The following DNAH17 variants were observed in gnomAD, a reference collection of about 807,000 sequenced individuals.
DNAH17 encodes the protein axonemal beta dynein heavy chain 17.
DNAH17 carries 376 observed loss-of-function variants against 485.6 expected under a neutral mutation model. That is an observed-to-expected ratio of 0.77 (90% CI 0.71 to 0.84). The LOEUF is 0.84. Ranked by LOEUF, DNAH17 falls within the 40% of genes least tolerant of loss-of-function variation. The probability of loss-of-function intolerance (pLI) is 0.00; values close to 1 mark genes in which losing one functional copy is unlikely to be tolerated. For missense variants in DNAH17, 6,370 were observed against 5,839.3 expected (o/e 1.09, Z -2.96); for synonymous variants, 3,031 against 2,405.9 (o/e 1.26, Z -7.60).
chr17:78,451,824 G>C (rs575435230), intron 65 of DNAH17, among the ~76,000 whole-genome samples, 151 bp from the exon 66 acceptor site: 1 of 152,182 alleles, frequency 6.6e-6, no homozygotes, highest in African/African-American at 2.4e-5. Flanking sequence ...ACCTCTCCTT[G>C]TCTGTTCCTC....
intron 19 of DNAH17, among the ~76,000 whole-genome samples, chr17:78,533,966 G>A (rs939504928): frequency 7.9e-5 from 12 of 152,194 alleles, no homozygotes; most frequent in South Asian, 2.1e-4. Context: ...GATTACAGGC[G>A]TGAGCCAATG....
chr17:78,526,875 A>G lies in DNAH17; in HGVS notation c.3624+5T>C. ...AATCCCGCCACCCTGCCCCAGGTAT[A>G]ATACCTCGAATTGCTGGCATTTCCG... On this transcript the variant is annotated splice_donor_5th_base_variant and intron_variant, in intron 23 of 80. Transcript: ENST00000389840. 2 of 1,569,026 alleles carry G rather than the reference A, an allele frequency of 1.3e-6. No individual in the cohort carries two copies. The highest frequency in any genetic ancestry group is 1.7e-6 in the Non-Finnish European group (2 of 1,156,530).
chr17:78,569,645 C>T (rs2092321233), intron 7 of DNAH17, 118 bp from the exon 8 acceptor site: 1 of 1,282,620 alleles, frequency 7.8e-7, no homozygotes, highest in South Asian at 1.6e-5. Flanking sequence ...GAAAATAACC[C>T]CTCCTATCTG....
At chr17:78,425,098 A>C (rs1260271667) in intron 80 of DNAH17, 3 of 427,456 alleles carry the variant, frequency 7.0e-6, no homozygotes, top group African/African-American at 6.1e-5. Context: ...GTTTTCATTA[A>C]AGCAGAGGCC....
chr17:78,427,251 G>T, intron 77 of DNAH17, 143 bp from the exon 78 acceptor site: 1 of 750,766 alleles, frequency 1.3e-6, no homozygotes, highest in Non-Finnish European at 2.2e-6. Flanking sequence ...AGAAATGCAG[G>T]GTCATGGGTG....
In DNAH17 at chr17:78,424,069, TTGA is replaced by T; in HGVS notation, c.13223_13225del (p.Ile4408del). ...CTCCATGCGGTCCACAGGAATGGCC[TTGA>T]TGAAGATGACAGGCATGGCCGGGGT... On this transcript the variant is annotated inframe_deletion, in exon 81 of 81. Coordinates refer to ENST00000389840, the MANE Select transcript of DNAH17 (RefSeq NM_173628.4). The T allele has an allele frequency of 6.2e-7, 1 of 1,614,034 alleles. No homozygotes were observed. Among genetic ancestry groups the T allele is most frequent in the Non-Finnish European group, 8.5e-7 (1 of 1,179,886 alleles).
At chr17:78,483,689 C>T (rs1205483160) in intron 48 of DNAH17, among the ~76,000 whole-genome samples, 3 of 152,044 alleles carry the variant, frequency 2.0e-5, no homozygotes, top group Admixed American at 6.6e-5. Context: ...AGGACCATGA[C>T]CTCAAGTAGA....
At chr17:78,478,363 CACCACCATCACT>C (rs1402212711) in intron 51 of DNAH17, among the ~76,000 whole-genome samples, 1 of 150,934 alleles carries the variant, frequency 6.6e-6, no homozygotes, top group Admixed American at 6.6e-5. Flanking sequence ...TCACCATCAC[CACCACCATCACT>C]GCCACCACTA....
At chr17:78,570,411 G>A (rs529544770) in intron 6 of DNAH17, 39 bp from the exon 7 acceptor site, 6 of 1,592,774 alleles carry the variant, frequency 3.8e-6, no homozygotes, top group South Asian at 1.1e-5. Context: ...GAGGGGACTG[G>A]CCGCTGCACC....
intron 38 of DNAH17, 107 bp downstream of exon 38, chr17:78,495,768 C>T (rs945281442): frequency 1.9e-5 from 26 of 1,364,818 alleles, no homozygotes; most frequent in Non-Finnish European, 2.5e-5. Flanking sequence ...CTTCTTCCCT[C>T]CCCAGCTTGC....
intron 53 of DNAH17, 24 bp from the exon 54 acceptor site, chr17:78,475,493 C>A: frequency 6.2e-7 from 1 of 1,608,884 alleles, no homozygotes; most frequent in Non-Finnish European, 8.5e-7. Flanking sequence ...AGAGATCCCA[C>A]AACATCTTGT....
At chr17:78,552,304 T>TA (rs1170128662) in intron 15 of DNAH17, among the ~76,000 whole-genome samples, 1 of 152,202 alleles carries the variant, frequency 6.6e-6, no homozygotes, top group Non-Finnish European at 1.5e-5. Flanking sequence ...GACTCGTGAC[T>TA]ACACTTCTTC....
At chr17:78,555,543 C>CCAAAAAAAAAAA (rs1555693737) in intron 14 of DNAH17, among the ~76,000 whole-genome samples, 1 of 77,714 alleles carries the variant, frequency 1.3e-5, no homozygotes, top group African/African-American at 5.6e-5. Context: ...GATTCCGTCA[C>CCAAAAAAAAAAA]AAAAAAAAAA....
At chr17:78,434,353 T>C in intron 74 of DNAH17, 133 bp from the exon 75 acceptor site, 1 of 794,422 alleles carries the variant, frequency 1.3e-6, no homozygotes, top group Non-Finnish European at 1.9e-6. Flanking sequence ...TACAAAGCTG[T>C]GGGCTGTGCA....
intron 16 of DNAH17, among the ~76,000 whole-genome samples, chr17:78,548,623 A>T (rs1230719272): frequency 1.3e-5 from 2 of 152,200 alleles, no homozygotes; most frequent in African/African-American, 2.4e-5. Flanking sequence ...ACAATCTTTG[A>T]ACAGCCTCCT....
chr17:78,480,902 G>C (rs894495187), intron 48 of DNAH17, 116 bp from the exon 49 acceptor site: 10 of 723,566 alleles, frequency 1.4e-5, no homozygotes, highest in Non-Finnish European at 1.9e-5. Context: ...ACAGAGTCTC[G>C]CTCTGTTGCC....
At chr17:78,495,837 GCTCA>G in intron 38 of DNAH17, 34 bp downstream of exon 38, 2 of 1,595,232 alleles carry the variant, frequency 1.3e-6, no homozygotes, top group Non-Finnish European at 1.7e-6. Flanking sequence ...GGCCGGCCTG[GCTCA>G]CTGCAGCCAC....
intron 54 of DNAH17, among the ~76,000 whole-genome samples, chr17:78,473,542 T>A (rs1159806342): frequency 1.5e-3 from 86 of 58,702 alleles, no homozygotes; most frequent in African/African-American, 0.011. Context: ...AGACTCTGTC[T>A]CAAAAAAAAA....
chr17:78,540,006 G>T, intron 17 of DNAH17, 126 bp from the exon 18 acceptor site: 2 of 959,828 alleles, frequency 2.1e-6, no homozygotes, highest in Non-Finnish European at 1.4e-6. Flanking sequence ...GCTGCTTTGA[G>T]CATCTTGCTG....
Sources: gnomAD v4.1 joint callset for allele counts (sites outside exome capture counted in the v4.1 genomes callset) on GRCh38, gnomAD v4.1.1 for gene constraint, MANE v1.5 for transcripts, NCBI Gene and HGNC (gene_info 2026-07-23, HGNC 2026-07-21) for gene names.